The following SOAT1 variants were observed in gnomAD, a reference collection of about 807,000 sequenced individuals.
SOAT1 encodes the protein sterol O-acyltransferase 1, also known as acyl-coenzyme A:cholesterol acyltransferase 1.
A neutral mutation model predicts 69.5 loss-of-function variants in SOAT1; 55 were observed. That is an observed-to-expected ratio of 0.79 (90% CI 0.64 to 0.99). The LOEUF (loss-of-function observed/expected upper bound fraction) is 0.99. SOAT1 is among the 50% of genes least tolerant of loss of function. The pLI is 0.00. For missense variants in SOAT1, 580 were observed against 669.3 expected, an observed-to-expected ratio of 0.87 and a Z score of 1.47; for synonymous variants, 231 against 224.7, an observed-to-expected ratio of 1.03 and a Z score of -0.25.
Position 179,350,400 on chromosome 1 carries a change from C to T in SOAT1, c.1419C>T (p.Pro473=), listed in dbSNP as rs1351228192. The T allele has an allele frequency of 1.4e-5, 22 of 1,613,808 alleles. No homozygotes were observed. The highest frequency in any genetic ancestry group is 4.4e-5 in the South Asian group (4 of 91,084). ...ALAVCLSFFY[P]VLFVLFMFFG... ...CTGTTTGCTTGAGCTTTTTCTATCC[C>T]GTGCTCTTCGTGCTCTTCATGTTCT... The change falls in exon 14 of 16, where the codon CCC becomes CCT. Residue 473 remains proline, a synonymous_variant. Coordinates refer to ENST00000367619, the MANE Select transcript of SOAT1 (RefSeq NM_003101.6).
chr1:179,339,130 A>G (rs1666249682), intron 5 of SOAT1, among the ~76,000 whole-genome samples: 2 of 152,188 alleles, frequency 1.3e-5, no homozygotes, highest in Non-Finnish European at 2.9e-5. Context: ...GTCAATTTTA[A>G]CATTTTGGAA....
At chr1:179,325,141 TG>T in intron 3 of SOAT1, among the ~76,000 whole-genome samples, 2 of 135,654 alleles carry the variant, frequency 1.5e-5, no homozygotes, top group East Asian at 4.8e-4. Flanking sequence ...GCAAGTTTAG[TG>T]ACTAATTTTT....
chr1:179,302,723 G>C lies in SOAT1; in HGVS notation c.39G>C (p.Leu13=), dbSNP rs757266729. The C allele has an allele frequency of 6.8e-6, 11 of 1,610,044 alleles. No homozygotes were observed. The Admixed American group carries it at 1.0e-4, about 15-fold the overall frequency. Reference sequence around the variant, plus strand: ...AGAAGATGTCTCTAAGAAACCGGCTGTCAAAGTCCAGGGAAAATCCTGAGG... The same window carrying C: ...AGAAGATGTCTCTAAGAAACCGGCTCTCAAAGTCCAGGGAAAATCCTGAGG... The part of the protein sequence containing the change: ...GEEKMSLRNR[L]SKSRENPEED... Residue 13 remains leucine (L), a synonymous_variant, in exon 2 of 16, where the codon CTG becomes CTC. Coordinates refer to ENST00000367619, the MANE Select transcript of SOAT1 (RefSeq NM_003101.6).
chr1:179,353,211 A>ATATATATATAAATATATATATT lies in SOAT1; in HGVS notation c.1597-364_1597-363insAATATATATATTTATATATATA, dbSNP rs57930073. On this transcript the variant is annotated intron_variant, in intron 15 of 15. Transcript: ENST00000367619. ...ATCTAAATGGTGGTTATATATAAAT[A>ATATATATATAAATATATATATT]TATATATATATATCTATTTGTCGTC... is the stretch of plus-strand genomic sequence containing the variant. Among the ~76,000 whole-genome samples the ATATATATATAAATATATATATT allele has an allele frequency of 3.1e-5, 2 of 64,522 alleles. 1 individual carries two copies. The highest frequency in any genetic ancestry group is 6.3e-5 in the Non-Finnish European group (2 of 31,560). The allele number at this position is 64,522 out of a possible 152,430, so 42.3% of individuals were successfully genotyped here.
intron 1 of SOAT1, among the ~76,000 whole-genome samples, chr1:179,296,673 A>T (rs536488110): frequency 1.3e-5 from 2 of 152,188 alleles, no homozygotes; most frequent in South Asian, 2.1e-4. Context: ...TTTGCTCTGG[A>T]TTGTAAATTC....
At position 179,345,045 on chromosome 1, in the gene SOAT1, G is replaced by C. The variant is rs1197674656; in HGVS notation, c.1086G>C (p.Leu362=). Reference sequence around the variant, plus strand: ...AGGAGCCCTTCAGCGCTCGTGTTCTGGTCCTATGTGTATTTAACTCCATCT... The same window carrying C: ...AGGAGCCCTTCAGCGCTCGTGTTCTCGTCCTATGTGTATTTAACTCCATCT... ...IKQEPFSARV[L]VLCVFNSILP... is the part of the protein sequence containing the mutation. The change falls in exon 11 of 16, where the codon CTG becomes CTC. Residue 362 remains leucine (L), a synonymous_variant. Transcript: ENST00000367619. The C allele has an allele frequency of 2.5e-6, 4 of 1,614,018 alleles. No homozygotes were observed. Among genetic ancestry groups the C allele is most frequent in the Non-Finnish European group, 3.4e-6 (4 of 1,179,958 alleles).
chr1:179,350,455 G>A (rs1666686559), intron 14 of SOAT1, 24 bp downstream of exon 14: 2 of 1,602,536 alleles, frequency 1.2e-6, no homozygotes, highest in Admixed American at 1.8e-5. Context: ...TATGCTGTGA[G>A]TACTGGGTAC....
At chr1:179,338,734 TAAAC>T (rs1363097808) in intron 5 of SOAT1, among the ~76,000 whole-genome samples, 6 of 152,010 alleles carry the variant, frequency 3.9e-5, no homozygotes, top group Admixed American at 3.3e-4. Flanking sequence ...ACATGAAAAA[TAAAC>T]AAAATTACAT....
At chr1:179,323,615 T>C in intron 3 of SOAT1, 120 bp downstream of exon 3, 2 of 798,876 alleles carry the variant, frequency 2.5e-6, no homozygotes, top group Non-Finnish European at 4.0e-6. Flanking sequence ...GTTGCTGTTA[T>C]CCTGTGGAAC....
At chr1:179,321,377 C>G (rs770991596) in intron 2 of SOAT1, among the ~76,000 whole-genome samples, 1 of 151,962 alleles carries the variant, frequency 6.6e-6, no homozygotes, top group Non-Finnish European at 1.5e-5. Context: ...GCTACATTGC[C>G]CATGATGGTT....
rs749080428 is a variant in SOAT1 at position 179,341,316 on chromosome 1, G to A, written c.780+6G>A. 1 of 1,612,682 alleles carries A rather than the reference G, an allele frequency of 6.2e-7. No individual in the cohort carries two copies. The highest frequency in any genetic ancestry group is 1.3e-5 in the African/African-American group (1 of 74,796). ...TCATCATTATATTCGAGCAGGTAAGGTTTTAAGTGTTACCCAAGGCGATGC... is the reference window on the plus strand; with the variant it reads ...TCATCATTATATTCGAGCAGGTAAGATTTTAAGTGTTACCCAAGGCGATGC... On this transcript the variant is annotated splice_donor_region_variant and intron_variant, in intron 7 of 15. Coordinates refer to ENST00000367619, the MANE Select transcript of SOAT1 (RefSeq NM_003101.6).
intron 6 of SOAT1, 83 bp downstream of exon 6, chr1:179,339,628 A>T (rs755882693): frequency 5.1e-5 from 39 of 772,052 alleles, no homozygotes; most frequent in Non-Finnish European, 8.1e-5. Context: ...GGGTAAATTG[A>T]TTAAATTGCT....
At chr1:179,306,166 T>C (rs941255092) in intron 2 of SOAT1, among the ~76,000 whole-genome samples, 1 of 152,112 alleles carries the variant, frequency 6.6e-6, no homozygotes, top group Non-Finnish European at 1.5e-5. Context: ...TTGGTTTTCA[T>C]GGATAGGAGT....
intron 2 of SOAT1, among the ~76,000 whole-genome samples, chr1:179,319,056 A>G (rs1230067635): frequency 6.6e-6 from 1 of 152,148 alleles, no homozygotes; most frequent in African/African-American, 2.4e-5. Context: ...CATTCCCACC[A>G]GCAATATCCT....
In SOAT1 at chr1:179,347,622, T is replaced by A. The variant is rs770562539; in HGVS notation, c.1140T>A (p.Thr380=). The change falls in exon 12 of 16, where the codon ACT becomes ACA. Residue 380 remains threonine, a synonymous_variant. Transcript: ENST00000367619. The part of the protein sequence containing the change: ...ILPGVLILFL[T]FFAFLHCWLN... ...TAGGTGTGCTGATTCTCTTCCTTAC[T>A]TTTTTTGCCTTTTTGCACTGCTGGC... The A allele has an allele frequency of 3.3e-5, 53 of 1,607,080 alleles. No homozygotes were observed. The highest frequency in any genetic ancestry group is 4.5e-5 in the Non-Finnish European group (53 of 1,174,780).
Position 179,353,704 on chromosome 1 carries a change from C to T in SOAT1, c.*63C>T. 1 of 1,358,092 alleles carries T rather than the reference C, an allele frequency of 7.4e-7. No homozygotes were observed. Among genetic ancestry groups the T allele is most frequent in the Non-Finnish European group, 1.1e-6 (1 of 949,890 alleles). The allele number at this position is 1,358,092 out of a possible 1,614,324, so 84.1% of individuals were successfully genotyped here. A position where few individuals can be genotyped will look rare whatever the true frequency, so the allele number is the denominator to read the frequency against. ...GGGTAGCTCCCTGATTTGGAGCCAG[C>T]TGTTTCCAGTTGTTACTGAAGTTAT... On this transcript the variant is annotated 3_prime_UTR_variant, in exon 16 of 16. Coordinates refer to ENST00000367619, the MANE Select transcript of SOAT1 (RefSeq NM_003101.6).
intron 1 of SOAT1, among the ~76,000 whole-genome samples, chr1:179,297,875 G>C (rs898518699): frequency 3.3e-5 from 5 of 151,454 alleles, no homozygotes; most frequent in African/African-American, 9.7e-5. Context: ...GGGTGTGGTG[G>C]CCTGTAACCC....
chr1:179,325,407 C>A (rs1665754443), intron 3 of SOAT1, among the ~76,000 whole-genome samples: 2 of 152,138 alleles, frequency 1.3e-5, no homozygotes, highest in Admixed American at 1.3e-4. Flanking sequence ...CCGCCTCGGC[C>A]TCCCAAAGTT....
intron 2 of SOAT1, among the ~76,000 whole-genome samples, chr1:179,315,200 T>G (rs980836673): frequency 1.3e-5 from 2 of 152,204 alleles, no homozygotes; most frequent in Admixed American, 6.5e-5. Flanking sequence ...ATCCCAACAG[T>G]TTCAGAGGCC....
Sources: gnomAD v4.1 joint callset for allele counts (sites outside exome capture counted in the v4.1 genomes callset) on GRCh38, gnomAD v4.1.1 for gene constraint, MANE v1.5 for transcripts, NCBI Gene and HGNC (gene_info 2026-07-23, HGNC 2026-07-21) for gene names.